Variants in FAM227B observed in about 807,000 individuals in gnomAD.
FAM227B encodes protein FAM227B.
A neutral mutation model predicts 73.8 loss-of-function variants in FAM227B; 88 were observed. The observed-to-expected ratio is 1.19, with a 90% CI of 1.00 to 1.42. The LOEUF is 1.42. FAM227B is among the 40% of genes most tolerant of loss of function. FAM227B has a pLI of 0.00. For synonymous variants in FAM227B, 210 were observed against 190.5 expected, an observed-to-expected ratio of 1.10 and a Z score of -0.84; for missense variants, 632 against 590.9, an observed-to-expected ratio of 1.07 and a Z score of -0.72.
chr15:49,519,421 G>C (rs1158046003), intron 10 of FAM227B, among the ~76,000 whole-genome samples: 3 of 152,188 alleles, frequency 2.0e-5, no homozygotes, highest in African/African-American at 7.2e-5. Context: ...CCCTTGCAGA[G>C]GTTCTCCATG....
At chr15:49,467,293 C>G (rs1343654916) in intron 11 of FAM227B, among the ~76,000 whole-genome samples, 1 of 152,080 alleles carries the variant, frequency 6.6e-6, no homozygotes, top group Non-Finnish European at 1.5e-5. Flanking sequence ...CTTTTTCTGA[C>G]CATTTTCCCC....
intron 1 of FAM227B, 102 bp from the exon 2 acceptor site, chr15:49,615,345 T>C (rs966588160): frequency 6.3e-6 from 4 of 636,018 alleles, no homozygotes; most frequent in East Asian, 2.7e-5. Flanking sequence ...CCAAGTCAGA[T>C]AGTTTGGCTC....
At chr15:49,504,655 C>G (rs1006125512) in intron 11 of FAM227B, among the ~76,000 whole-genome samples, 1 of 152,016 alleles carries the variant, frequency 6.6e-6, no homozygotes, top group African/African-American at 2.4e-5. Flanking sequence ...TCACTTGCTG[C>G]TTCTTTCACC....
At position 49,476,023 on chromosome 15, in the gene FAM227B, T is replaced by A. The variant is rs561262201; in HGVS notation, c.1012+32188A>T. 4.6e-5 allele frequency among the ~76,000 whole-genome samples: 7 copies of A among 152,316 alleles called. No homozygotes were observed. In the East Asian group the frequency reaches 1.2e-3, roughly 25 times the overall value. On this transcript the variant is annotated intron_variant, in intron 11 of 15. Coordinates refer to ENST00000299338, the MANE Select transcript of FAM227B (RefSeq NM_152647.3). ...AGCTCTAGTTTCAATCTTCTGAACATGACTTTTGAATCTTTGCTTCCATGG... is the reference window on the plus strand; with the variant it reads ...AGCTCTAGTTTCAATCTTCTGAACAAGACTTTTGAATCTTTGCTTCCATGG...
At chr15:49,382,127 C>T (rs2151526408) in intron 11 of FAM227B, among the ~76,000 whole-genome samples, 1 of 151,908 alleles carries the variant, frequency 6.6e-6, no homozygotes, top group East Asian at 1.9e-4. Context: ...GGGAGGGGAA[C>T]AGGGCAAACT....
chr15:49,462,365 A>G (rs7166498), intron 11 of FAM227B, among the ~76,000 whole-genome samples: 49,686 of 152,024 alleles, frequency 0.33, 8,842 homozygotes, highest in African/African-American at 0.45. Context: ...AAATTTAGAA[A>G]TTTTCGGATG....
intron 10 of FAM227B, among the ~76,000 whole-genome samples, chr15:49,529,620 C>T (rs1011327327): frequency 5.9e-5 from 9 of 151,572 alleles, no homozygotes; most frequent in African/African-American, 2.2e-4. Context: ...CACCCAGTTT[C>T]CCACAATGGT....
chr15:49,468,505 G>T (rs994814397), intron 11 of FAM227B, among the ~76,000 whole-genome samples: 3 of 152,066 alleles, frequency 2.0e-5, no homozygotes, highest in Non-Finnish European at 4.4e-5. Flanking sequence ...GCTTTCTTAG[G>T]GTAAAGTGAT....
At chr15:49,483,039 T>A in intron 11 of FAM227B, 1 of 713,906 alleles carries the variant, frequency 1.4e-6, no homozygotes. Flanking sequence ...AATAATCACA[T>A]TAAAAATTTT....
chr15:49,379,650 T>C (rs773207599), intron 11 of FAM227B, among the ~76,000 whole-genome samples: 2 of 152,214 alleles, frequency 1.3e-5, no homozygotes, highest in Non-Finnish European at 2.9e-5. Context: ...ATTTTATTTA[T>C]TTGTATTTGG....
intron 11 of FAM227B, among the ~76,000 whole-genome samples, chr15:49,505,162 A>C (rs12441304): frequency 0.28 from 41,985 of 152,026 alleles, 6,031 homozygotes; most frequent in East Asian, 0.38. Flanking sequence ...AACAGCATGC[A>C]CTCTATATAA....
At chr15:49,337,507 ACTTTTT>A (rs1446860306) in intron 13 of FAM227B, among the ~76,000 whole-genome samples, 6 of 22,990 alleles carry the variant, frequency 2.6e-4, no homozygotes, top group African/African-American at 1.1e-3. Flanking sequence ...TCATTTACCC[ACTTTTT>A]TTTTTTTTTT....
chr15:49,340,928 G>A (rs74338683), intron 13 of FAM227B, among the ~76,000 whole-genome samples: 16 of 152,126 alleles, frequency 1.1e-4, no homozygotes, highest in African/African-American at 3.9e-4. Context: ...TCCATTTTGA[G>A]TTAATTTTTG....
At chr15:49,368,906 G>A (rs1369596770) in intron 12 of FAM227B, among the ~76,000 whole-genome samples, 1 of 152,132 alleles carries the variant, frequency 6.6e-6, no homozygotes, top group African/African-American at 2.4e-5. Flanking sequence ...CTTCAGCCAG[G>A]TAAGAGGCAA....
intron 3 of FAM227B, among the ~76,000 whole-genome samples, chr15:49,595,305 G>A (rs111612421): frequency 5.3e-5 from 8 of 152,024 alleles, no homozygotes; most frequent in African/African-American, 1.9e-4. Flanking sequence ...TGTATCCTGA[G>A]ACTTTACTGA....
intron 11 of FAM227B, among the ~76,000 whole-genome samples, chr15:49,409,172 A>G (rs1184619266): frequency 2.0e-5 from 3 of 152,100 alleles, no homozygotes; most frequent in African/African-American, 7.2e-5. Flanking sequence ...GTTTCACTTC[A>G]GTATTGGAGG....
chr15:49,570,678 T>A (rs1008952143), intron 8 of FAM227B, among the ~76,000 whole-genome samples: 4 of 151,534 alleles, frequency 2.6e-5, no homozygotes, highest in Non-Finnish European at 4.4e-5. Context: ...TCTATGAGAT[T>A]GACTTTTTTA....
At chr15:49,366,767 C>A in intron 13 of FAM227B, 1 of 680,110 alleles carries the variant, frequency 1.5e-6, no homozygotes, top group South Asian at 1.9e-5. Context: ...GCGCTGCCTC[C>A]GTGGCGGGGG....
In FAM227B at chr15:49,327,649, A is replaced by G. The variant is rs1348706349; in HGVS notation, c.*919T>C. 3 of 211,510 alleles carry G rather than the reference A, an allele frequency of 1.4e-5. No homozygotes were observed. The highest frequency in any genetic ancestry group is 9.4e-6 in the Non-Finnish European group (1 of 106,926). The allele number at this position is 211,510 out of a possible 1,614,324, so 13.1% of individuals were successfully genotyped here. ...GTGTAAGCTTGCTATACAACTCTTC[A>G]AGTGGCTACTTTATGGAATCAATAT... On this transcript the variant is annotated 3_prime_UTR_variant, in exon 16 of 16. Coordinates refer to ENST00000299338, the MANE Select transcript of FAM227B (RefSeq NM_152647.3).
Sources: gnomAD v4.1 joint callset for allele counts (sites outside exome capture counted in the v4.1 genomes callset) on GRCh38, gnomAD v4.1.1 for gene constraint, MANE v1.5 for transcripts, NCBI Gene and HGNC (gene_info 2026-07-23, HGNC 2026-07-21) for gene names.